Variants in ATRNL1 observed in about 807,000 individuals in gnomAD.
ATRNL1 encodes attractin like 1.
Under a neutral mutation model 182.7 loss-of-function variants are expected in ATRNL1, and 95 were observed. That is an observed-to-expected ratio of 0.52 (90% confidence interval 0.44 to 0.62). ATRNL1 has a LOEUF of 0.62. ATRNL1 is among the 20% of genes least tolerant of loss of function. The pLI is 0.00. For missense variants in ATRNL1, 1,471 were observed against 1,679.5 expected (o/e 0.88, Z 2.17); for synonymous variants, 576 against 568.3 (o/e 1.01, Z -0.19).
intron 25 of ATRNL1, among the ~76,000 whole-genome samples, chr10:115,523,201 G>A (rs1032659889): frequency 2.6e-5 from 4 of 152,160 alleles, no homozygotes; most frequent in African/African-American, 2.4e-5. Context: ...TTTGAGCAGC[G>A]AGATGTGGGG....
chr10:115,632,682 G>A (rs1555026777), intron 26 of ATRNL1, among the ~76,000 whole-genome samples: 2 of 152,058 alleles, frequency 1.3e-5, no homozygotes, highest in Non-Finnish European at 2.9e-5. Flanking sequence ...TTCGGTGAAT[G>A]AATATGCTGC....
At chr10:115,550,832 G>T (rs1554995390) in intron 26 of ATRNL1, among the ~76,000 whole-genome samples, 2 of 151,712 alleles carry the variant, frequency 1.3e-5, no homozygotes, top group Non-Finnish European at 3.0e-5. Flanking sequence ...TTCCCTAATG[G>T]AATAAGGCAA....
At chr10:115,354,735 G>A (rs1389110128) in intron 19 of ATRNL1, among the ~76,000 whole-genome samples, 1 of 151,816 alleles carries the variant, frequency 6.6e-6, no homozygotes, top group Non-Finnish European at 1.5e-5. Context: ...TCTTTTTCTA[G>A]GTTTGAAAAG....
At chr10:115,476,205 C>A (rs1438889318) in intron 24 of ATRNL1, among the ~76,000 whole-genome samples, 1 of 151,148 alleles carries the variant, frequency 6.6e-6, no homozygotes, top group Non-Finnish European at 1.5e-5. Context: ...TTATTTAATT[C>A]ATTTCAGGGA....
At chr10:115,276,532 T>A (rs900262412) in intron 13 of ATRNL1, among the ~76,000 whole-genome samples, 7 of 152,182 alleles carry the variant, frequency 4.6e-5, no homozygotes, top group Non-Finnish European at 8.8e-5. Context: ...TAGAATTTGA[T>A]GTAATGTGTC....
Position 115,268,455 on chromosome 10 carries a change from A to G in ATRNL1, c.2100+11A>G, listed in dbSNP as rs782353143. The G allele has an allele frequency of 4.7e-6, 7 of 1,496,500 alleles. No homozygotes were observed. In the South Asian group the frequency reaches 6.8e-5, roughly 14 times the overall value. The allele number at this position is 1,496,500 out of a possible 1,614,324, so 92.7% of individuals were successfully genotyped here. ...AGTAACTGCAGTATGGTTAGTATTT[A>G]TGGGTAAATGGTGCTGTAGTTACAA... On this transcript the variant is annotated intron_variant, in intron 13 of 28. Transcript: ENST00000355044.
intron 27 of ATRNL1, among the ~76,000 whole-genome samples, chr10:115,735,552 G>A (rs182539560): frequency 7.2e-5 from 11 of 152,130 alleles, no homozygotes; most frequent in Admixed American, 2.0e-4. Flanking sequence ...ATTAACAGCC[G>A]TAACTGATAA....
intron 24 of ATRNL1, among the ~76,000 whole-genome samples, chr10:115,506,719 G>T (rs1255218466): frequency 6.6e-6 from 1 of 151,968 alleles, no homozygotes; most frequent in Non-Finnish European, 1.5e-5. Context: ...GGGAGATCAG[G>T]GATTCTCTGG....
chr10:115,120,257 C>T lies in ATRNL1; in HGVS notation c.366C>T (p.Leu122=), dbSNP rs375184501. Residue 122 remains leucine, a synonymous_variant, in exon 2 of 29, where the codon CTC becomes CTT. Coordinates refer to ENST00000355044, the MANE Select transcript of ATRNL1 (RefSeq NM_207303.4). The stretch of plus-strand genomic sequence containing the variant: ...AATATAAAACTAAATGTACTTGGCT[C>T]ATTGAAGGCTAGTAAGTATACAGTC... ...NYKYKTKCTW[L]IEGYPNAVLR... is the part of the protein sequence containing the mutation. 1.1e-4 allele frequency: 164 copies of T among 1,538,492 alleles called. No homozygotes were observed. The highest frequency in any genetic ancestry group is 5.2e-4 in the South Asian group (46 of 87,842).
At chr10:115,552,841 G>T (rs1853078791) in intron 26 of ATRNL1, among the ~76,000 whole-genome samples, 1 of 151,242 alleles carries the variant, frequency 6.6e-6, no homozygotes, top group South Asian at 2.1e-4. Flanking sequence ...TTTCTTTTGG[G>T]ATGCGCTAAT....
chr10:115,834,244 T>C (rs797023844), intron 27 of ATRNL1, among the ~76,000 whole-genome samples: 2 of 152,204 alleles, frequency 1.3e-5, no homozygotes, highest in South Asian at 4.1e-4. Context: ...GAAACTACTT[T>C]CTGCGGCTCC....
intron 17 of ATRNL1, among the ~76,000 whole-genome samples, chr10:115,312,790 C>G (rs1439430149): frequency 6.6e-6 from 1 of 152,004 alleles, no homozygotes; most frequent in Non-Finnish European, 1.5e-5. Context: ...TTCTTGGAGA[C>G]TTTGTTCCTT....
At chr10:115,161,279 GAGA>G (rs1554883206) in intron 6 of ATRNL1, among the ~76,000 whole-genome samples, 2 of 152,048 alleles carry the variant, frequency 1.3e-5, no homozygotes, top group East Asian at 1.9e-4. Context: ...AAATTCTGGA[GAGA>G]AGGAGGGAGT....
intron 3 of ATRNL1, 49 bp from the exon 4 acceptor site, chr10:115,127,544 A>G: frequency 6.8e-7 from 1 of 1,471,606 alleles, no homozygotes; most frequent in South Asian, 1.2e-5. Flanking sequence ...TGTGCTTAAC[A>G]GTCTTATGTA....
At chr10:115,494,753 T>G (rs1849462848) in intron 24 of ATRNL1, among the ~76,000 whole-genome samples, 1 of 152,184 alleles carries the variant, frequency 6.6e-6, no homozygotes, top group Admixed American at 6.5e-5. Flanking sequence ...AGTATTTTTT[T>G]GAGAATTCTT....
At chr10:115,310,455 C>A (rs1853959717) in intron 17 of ATRNL1, among the ~76,000 whole-genome samples, 1 of 151,894 alleles carries the variant, frequency 6.6e-6, no homozygotes, top group South Asian at 2.1e-4. Context: ...CTGTGAATCC[C>A]CTGGCCCTTG....
chr10:115,336,700 C>A (rs12777189), intron 19 of ATRNL1, among the ~76,000 whole-genome samples: 9,763 of 152,110 alleles, frequency 0.064, 433 homozygotes, highest in Non-Finnish European at 0.098. Context: ...GTAATTAGTT[C>A]ATTCTGTAAT....
intron 8 of ATRNL1, among the ~76,000 whole-genome samples, chr10:115,178,918 C>CT (rs35517238): frequency 0.32 from 48,693 of 151,148 alleles, 8,833 homozygotes; most frequent in Middle Eastern, 0.45. Flanking sequence ...TATAGGTACT[C>CT]TTTTTTTTTC....
chr10:115,403,293 A>G (rs1426242955), intron 20 of ATRNL1, among the ~76,000 whole-genome samples: 6 of 122,046 alleles, frequency 4.9e-5, no homozygotes, highest in African/African-American at 2.7e-4. Flanking sequence ...CTATATGGGG[A>G]AAAGTACATC....
Sources: gnomAD v4.1 joint callset for allele counts (sites outside exome capture counted in the v4.1 genomes callset) on GRCh38, gnomAD v4.1.1 for gene constraint, MANE v1.5 for transcripts, NCBI Gene and HGNC (gene_info 2026-07-23, HGNC 2026-07-21) for gene names.